ERG: variants seen among roughly 807,000 people sequenced by gnomAD.
ERG encodes transcriptional regulator ERG.
A neutral mutation model predicts 55.3 loss-of-function variants in ERG; 9 were observed. The ratio of observed to expected loss-of-function variants is 0.16; its 90% confidence interval spans 0.10 to 0.28. ERG has a LOEUF of 0.28. Ranked by LOEUF, ERG falls within the 10% of genes least tolerant of loss-of-function variation. The pLI, the probability that ERG is intolerant of heterozygous loss-of-function variation, is 1.00. For synonymous variants in ERG, 223 were observed against 237.3 expected (o/e 0.94, Z 0.55); for missense variants, 434 against 631.6 (o/e 0.69, Z 3.35).
At chr21:38,437,635 G>C (rs1296445784) in intron 2 of ERG, among the ~76,000 whole-genome samples, 1 of 152,206 alleles carries the variant, frequency 6.6e-6, no homozygotes, top group Non-Finnish European at 1.5e-5. Context: ...ATGCTCATGA[G>C]GATTCCTAGT....
chr21:38,568,415 A>C (rs1204012277), intron 2 of ERG, among the ~76,000 whole-genome samples: 4 of 152,174 alleles, frequency 2.6e-5, no homozygotes, highest in Non-Finnish European at 5.9e-5. Flanking sequence ...GCACTATTTC[A>C]TTCCCATTTT....
At chr21:38,474,856 CAAAG>C (rs1053951195) in intron 1 of ERG, among the ~76,000 whole-genome samples, 56 of 151,966 alleles carry the variant, frequency 3.7e-4, no homozygotes, top group African/African-American at 1.2e-3. Context: ...ACAGATGAAT[CAAAG>C]AAAGTGAAGC....
chr21:38,605,752 G>A (rs550471413), intron 1 of ERG, among the ~76,000 whole-genome samples: 2 of 152,126 alleles, frequency 1.3e-5, no homozygotes, highest in Non-Finnish European at 1.5e-5. Flanking sequence ...CTAAGGCTAC[G>A]TGCAGCAAAA....
chr21:38,550,104 C>T (rs544522680), intron 2 of ERG, among the ~76,000 whole-genome samples: 2 of 152,134 alleles, frequency 1.3e-5, no homozygotes, highest in South Asian at 2.1e-4. Context: ...GTTCTACGCC[C>T]GGTGGTGGGG....
intron 1 of ERG, among the ~76,000 whole-genome samples, chr21:38,611,174 C>T (rs2060224806): frequency 6.6e-6 from 1 of 152,020 alleles, no homozygotes; most frequent in Non-Finnish European, 1.5e-5. Context: ...CACCTCCCCA[C>T]CTCCACTGCA....
At chr21:38,422,120 C>T (rs1041234014) in intron 3 of ERG, among the ~76,000 whole-genome samples, 2 of 152,188 alleles carry the variant, frequency 1.3e-5, no homozygotes, top group African/African-American at 2.4e-5. Flanking sequence ...CAGGTGGAGA[C>T]GAGAGCAATT....
intron 2 of ERG, among the ~76,000 whole-genome samples, chr21:38,552,935 G>C (rs1423737128): frequency 6.6e-6 from 1 of 151,868 alleles, no homozygotes; most frequent in Non-Finnish European, 1.5e-5. Context: ...TTTATGTCTG[G>C]AAAACCTCAT....
intron 2 of ERG, among the ~76,000 whole-genome samples, chr21:38,442,908 T>C (rs566362898): frequency 8.5e-5 from 13 of 152,194 alleles, no homozygotes; most frequent in Admixed American, 2.0e-4. Flanking sequence ...CCCGGGTTCA[T>C]GCCATTCTCC....
chr21:38,490,037 C>T (rs147458803), intron 1 of ERG, among the ~76,000 whole-genome samples: 6 of 152,330 alleles, frequency 3.9e-5, no homozygotes, highest in Non-Finnish European at 7.4e-5. Flanking sequence ...CCAGGACCTG[C>T]TGTGCAGTGT....
At chr21:38,459,572 A>T (rs1360042870) in intron 1 of ERG, among the ~76,000 whole-genome samples, 1 of 152,144 alleles carries the variant, frequency 6.6e-6, no homozygotes, top group Non-Finnish European at 1.5e-5. Flanking sequence ...AGCCATTTTA[A>T]TCACCCCCTA....
rs76612076 is a variant in ERG at position 38,439,694 on chromosome 21, G to T, written c.236+5710C>A. Reference sequence around the variant, plus strand: ...AAGCCAAACCCACAAGGACATCCCAGTTGGCTCGCAAAGCAGTGGTTCCTT... The same window carrying T: ...AAGCCAAACCCACAAGGACATCCCATTTGGCTCGCAAAGCAGTGGTTCCTT... On this transcript the variant is annotated intron_variant, in intron 2 of 9. Coordinates refer to ENST00000288319, the MANE Select transcript of ERG (RefSeq NM_182918.4). Among the ~76,000 whole-genome samples, 1,522 of 152,350 alleles carry T rather than the reference G, an allele frequency of 1.0e-2. 29 individuals carry two copies. Among genetic ancestry groups the T allele is most frequent in the African/African-American group, 0.034 (1,434 of 41,588 alleles).
chr21:38,647,088 G>A (rs2060461699), intron 1 of ERG, among the ~76,000 whole-genome samples: 1 of 152,156 alleles, frequency 6.6e-6, no homozygotes, highest in Admixed American at 6.5e-5. Context: ...CTCATACGTG[G>A]AAAACATGTG....
In ERG at chr21:38,382,064, C is replaced by T; in HGVS notation, c.*1339G>A. 1 of 1,059,186 alleles carries T rather than the reference C, an allele frequency of 9.4e-7. No individual in the cohort carries two copies. The highest frequency in any genetic ancestry group is 4.6e-5 in the South Asian group (1 of 21,918). The allele number at this position is 1,059,186 out of a possible 1,614,324, so 65.6% of individuals were successfully genotyped here. ...ATGCTAGGCCAAGCTTATTTTATTA[C>T]ATACATTCTGCATTCTAAGAACTAA... On this transcript the variant is annotated 3_prime_UTR_variant, in exon 10 of 10. Transcript: ENST00000288319.
intron 2 of ERG, among the ~76,000 whole-genome samples, chr21:38,564,253 G>A (rs978025222): frequency 6.6e-6 from 1 of 151,678 alleles, no homozygotes; most frequent in Non-Finnish European, 1.5e-5. Context: ...TATTAAACAA[G>A]CTATACAGAA....
chr21:38,505,822 G>C (rs572172770), intron 2 of ERG, among the ~76,000 whole-genome samples: 3 of 152,290 alleles, frequency 2.0e-5, no homozygotes, highest in African/African-American at 7.2e-5. Context: ...CCAGACATGA[G>C]TCGTGCAGGG....
intron 2 of ERG, among the ~76,000 whole-genome samples, chr21:38,566,595 A>G (rs1198057172): frequency 6.6e-6 from 1 of 152,196 alleles, no homozygotes; most frequent in Non-Finnish European, 1.5e-5. Context: ...AGCCGAAGAG[A>G]CTTGCTGATG....
At chr21:38,450,302 C>T (rs1001376359) in intron 1 of ERG, among the ~76,000 whole-genome samples, 2 of 151,954 alleles carry the variant, frequency 1.3e-5, no homozygotes, top group Non-Finnish European at 2.9e-5. Flanking sequence ...TGCTTGAACC[C>T]GGGAAGCGGA....
intron 1 of ERG, among the ~76,000 whole-genome samples, chr21:38,634,983 G>A: frequency 6.6e-6 from 1 of 152,176 alleles, no homozygotes; most frequent in Middle Eastern, 3.2e-3. Context: ...AAGGAAATGA[G>A]CCGCCAAACC....
At chr21:38,600,403 C>T (rs1038702320) in intron 1 of ERG, among the ~76,000 whole-genome samples, 2 of 152,178 alleles carry the variant, frequency 1.3e-5, no homozygotes, top group South Asian at 4.1e-4. Flanking sequence ...AGAAAACGTC[C>T]CCTGAAGGAC....
Sources: gnomAD v4.1 joint callset for allele counts (sites outside exome capture counted in the v4.1 genomes callset) on GRCh38, gnomAD v4.1.1 for gene constraint, MANE v1.5 for transcripts, NCBI Gene and HGNC (gene_info 2026-07-23, HGNC 2026-07-21) for gene names.